Variants in RARB observed in about 807,000 individuals in gnomAD.
RARB encodes retinoic acid receptor beta, also known as HBV-activated protein.
In RARB, 17 loss-of-function variants were observed where a neutral mutation model predicts 51.9. The observed-to-expected ratio is 0.33, with a 90% confidence interval of 0.22 to 0.49. The LOEUF is 0.49. Among genes scored for constraint, RARB ranks in the 20% least tolerant of loss-of-function variants. The pLI is 0.99. For missense variants in RARB, 369 were observed against 550.8 expected, an observed-to-expected ratio of 0.67 and a Z score of 3.30; for synonymous variants, 215 against 195.4, an observed-to-expected ratio of 1.10 and a Z score of -0.84.
chr3:25,074,935 T>A (rs1401337794), intron 3 of RARB, among the ~76,000 whole-genome samples: 2 of 152,206 alleles, frequency 1.3e-5, no homozygotes, highest in Non-Finnish European at 2.9e-5. Flanking sequence ...TCCTCACATT[T>A]CTCAATCTTG....
intron 2 of RARB, among the ~76,000 whole-genome samples, chr3:24,982,749 C>T (rs1167222695): frequency 7.2e-5 from 11 of 152,194 alleles, no homozygotes; most frequent in Non-Finnish European, 1.5e-5. Context: ...AATAGTTACA[C>T]CATCCCTGGG....
At chr3:25,396,917 A>G (rs1400880413) in intron 5 of RARB, among the ~76,000 whole-genome samples, 1 of 152,090 alleles carries the variant, frequency 6.6e-6, no homozygotes, top group African/African-American at 2.4e-5. Flanking sequence ...TATCTAGGCA[A>G]CCAGTGAGTA....
intron 5 of RARB, among the ~76,000 whole-genome samples, chr3:25,189,897 G>C (rs1214930468): frequency 6.6e-6 from 1 of 152,012 alleles, no homozygotes; most frequent in African/African-American, 2.4e-5. Flanking sequence ...AAAGGAACAG[G>C]AAAGAAAGAA....
At chr3:25,146,343 T>C (rs1700189435) in intron 4 of RARB, among the ~76,000 whole-genome samples, 2 of 152,172 alleles carry the variant, frequency 1.3e-5, no homozygotes, top group African/African-American at 4.8e-5. Flanking sequence ...ACATATCATC[T>C]TGGCCACGAC....
chr3:25,552,530 C>T (rs56885859), intron 3 of RARB, among the ~76,000 whole-genome samples: 1 of 151,994 alleles, frequency 6.6e-6, no homozygotes, highest in East Asian at 1.9e-4. Flanking sequence ...TGCCTGCATT[C>T]CAGATATTTC....
intron 2 of RARB, among the ~76,000 whole-genome samples, chr3:25,498,846 C>T (rs898096776): frequency 3.9e-5 from 6 of 152,160 alleles, no homozygotes; most frequent in African/African-American, 1.4e-4. Context: ...GTTTCTACAT[C>T]TGGCAGCAGA....
intron 4 of RARB, among the ~76,000 whole-genome samples, chr3:25,576,506 A>G (rs2125298541): frequency 6.6e-6 from 1 of 152,228 alleles, no homozygotes; most frequent in East Asian, 1.9e-4. Context: ...TCTGAACCCC[A>G]GGAGTGAAGG....
chr3:24,982,654 C>T (rs1282614624), intron 2 of RARB, among the ~76,000 whole-genome samples: 3 of 152,196 alleles, frequency 2.0e-5, no homozygotes. Flanking sequence ...CCTCCCTTTT[C>T]TCCTCTTTCC....
chr3:25,402,144 G>A (rs1029527539), intron 5 of RARB, among the ~76,000 whole-genome samples: 1 of 152,050 alleles, frequency 6.6e-6, no homozygotes, highest in Non-Finnish European at 1.5e-5. Flanking sequence ...ATTTTAAAAA[G>A]AAAAAAGCCA....
intron 3 of RARB, among the ~76,000 whole-genome samples, chr3:25,529,027 T>A (rs1698781624): frequency 6.6e-6 from 1 of 151,946 alleles, no homozygotes; most frequent in African/African-American, 2.4e-5. Context: ...CTCAAAATTG[T>A]TCAATTGTTC....
At chr3:25,199,177 A>G (rs1175668251) in intron 5 of RARB, among the ~76,000 whole-genome samples, 19 of 152,110 alleles carry the variant, frequency 1.2e-4, no homozygotes. Flanking sequence ...CATTATGTTA[A>G]GTGAAATAAG....
chr3:25,287,647 T>G (rs1399961211), intron 5 of RARB, among the ~76,000 whole-genome samples: 1 of 152,208 alleles, frequency 6.6e-6, no homozygotes, highest in African/African-American at 2.4e-5. Flanking sequence ...TTCAAAGAAT[T>G]TAAGGATCTT....
chr3:25,395,179 C>T (rs11712725), intron 5 of RARB, among the ~76,000 whole-genome samples: 1 of 152,138 alleles, frequency 6.6e-6, no homozygotes, highest in African/African-American at 2.4e-5. Context: ...TCACTGGATA[C>T]AAAATTCTTA....
chr3:25,266,946 A>C (rs1364748274), intron 5 of RARB, among the ~76,000 whole-genome samples: 3 of 152,196 alleles, frequency 2.0e-5, no homozygotes, highest in Non-Finnish European at 4.4e-5. Flanking sequence ...TGCTATCTTG[A>C]TGTGGCAGCC....
rs1466673421 is a variant in RARB at position 25,580,571 on chromosome 3, G to A, written c.635G>A (p.Arg212Gln). ...AATTCCAGTGCTGACCATCGAGTCC[G>A]ACTGGACCTGGGCCTCTGGGACAAA... ...TTNSSADHRVRLDLGLWDKFS... is the reference protein window; with the variant it reads ...TTNSSADHRVQLDLGLWDKFS... Residue 212 changes from arginine (R) to glutamine (Q), a missense_variant, in exon 5 of 8, where the codon CGA becomes CAA. Arg to Gln is a conservative substitution (Grantham distance 43). Coordinates refer to ENST00000330688, the MANE Select transcript of RARB (RefSeq NM_000965.5). 13 of 1,601,610 alleles carry A rather than the reference G, an allele frequency of 8.1e-6. No individual in the cohort carries two copies. Among genetic ancestry groups the A allele is most frequent in the Non-Finnish European group, 1.1e-5 (13 of 1,170,292 alleles).
intron 2 of RARB, among the ~76,000 whole-genome samples, chr3:25,021,127 G>C (rs1389239221): frequency 1.3e-5 from 2 of 152,198 alleles, no homozygotes; most frequent in African/African-American, 2.4e-5. Flanking sequence ...TGTTGTAAAA[G>C]ATCTATGTGA....
At chr3:24,960,007 C>T (rs1696103646) in intron 2 of RARB, among the ~76,000 whole-genome samples, 1 of 152,162 alleles carries the variant, frequency 6.6e-6, no homozygotes, top group African/African-American at 2.4e-5. Flanking sequence ...AAGACAGTGG[C>T]TAATCCTTGA....
intron 5 of RARB, among the ~76,000 whole-genome samples, chr3:25,279,454 G>T (rs1006681742): frequency 2.0e-5 from 3 of 152,144 alleles, no homozygotes; most frequent in Non-Finnish European, 1.5e-5. Context: ...GTTGTTCTAG[G>T]AGTTCAGATG....
chr3:25,040,604 A>G (rs1190476361), intron 2 of RARB, among the ~76,000 whole-genome samples: 1 of 152,114 alleles, frequency 6.6e-6, no homozygotes, highest in African/African-American at 2.4e-5. Flanking sequence ...ATGGTGGTGC[A>G]TGCCTATTGT....
Sources: allele counts gnomAD v4.1 joint callset (sites outside exome capture counted in the v4.1 genomes callset), GRCh38; gene constraint gnomAD v4.1.1; transcripts MANE v1.5; gene names NCBI Gene and HGNC (gene_info 2026-07-23, HGNC 2026-07-21).